LYN: variants seen among roughly 807,000 people sequenced by gnomAD.
The protein encoded by LYN is LYN proto-oncogene, Src family tyrosine kinase.
Under a neutral mutation model 65.0 loss-of-function variants are expected in LYN, and 12 were observed. That is an observed-to-expected ratio of 0.18 (90% CI 0.12 to 0.30). LYN has a LOEUF of 0.30. LYN is among the 10% of genes least tolerant of loss of function. The pLI is 1.00. For synonymous variants in LYN, 222 were observed against 221.2 expected (o/e 1.00, Z -0.03); for missense variants, 380 against 623.2 (o/e 0.61, Z 4.16).
At chr8:55,886,016 A>G (rs1316275442) in intron 1 of LYN, among the ~76,000 whole-genome samples, 6 of 152,142 alleles carry the variant, frequency 3.9e-5, no homozygotes, top group Non-Finnish European at 8.8e-5. Context: ...TGCTTTGCGA[A>G]GCCCACCCTG....
At chr8:55,959,455 G>A (rs1016029114) in intron 8 of LYN, among the ~76,000 whole-genome samples, 5 of 152,150 alleles carry the variant, frequency 3.3e-5, no homozygotes, top group Non-Finnish European at 7.4e-5. Context: ...AATTGTGCAG[G>A]TAAGTTCAAT....
In LYN at chr8:56,010,423, C is replaced by T; in HGVS notation, c.*313C>T. On this transcript the variant is annotated 3_prime_UTR_variant, in exon 13 of 13. Coordinates refer to ENST00000519728, the MANE Select transcript of LYN (RefSeq NM_002350.4). ...TCTCTCCAAAAATGCACCCAACTAG[C>T]TCTATGTTTACAAATGGACATAGGA... The T allele has an allele frequency of 2.6e-6, 1 of 380,824 alleles. No homozygotes were observed. Among genetic ancestry groups the T allele is most frequent in the Non-Finnish European group, 4.9e-6 (1 of 204,204 alleles). The allele number at this position is 380,824 out of a possible 1,614,324, so 23.6% of individuals were successfully genotyped here.
intron 1 of LYN, among the ~76,000 whole-genome samples, chr8:55,910,388 A>G (rs917489771): frequency 6.6e-6 from 1 of 152,202 alleles, no homozygotes; most frequent in African/African-American, 2.4e-5. Context: ...TTGTAGCACC[A>G]TTTATTGAAA....
chr8:55,936,469 G>A (rs1806439920), intron 1 of LYN, among the ~76,000 whole-genome samples: 1 of 152,130 alleles, frequency 6.6e-6, no homozygotes, highest in Non-Finnish European at 1.5e-5. Context: ...GTGAAACCCT[G>A]TCTCTACTAA....
chr8:55,880,820 G>A (rs1585555689), intron 1 of LYN, among the ~76,000 whole-genome samples: 2 of 152,240 alleles, frequency 1.3e-5, no homozygotes, highest in East Asian at 3.8e-4. Flanking sequence ...GGGGAAGGGC[G>A]TAAGAGTCAG....
chr8:55,908,908 T>C (rs1051755692), intron 1 of LYN, among the ~76,000 whole-genome samples: 1 of 150,558 alleles, frequency 6.6e-6, no homozygotes, highest in Non-Finnish European at 1.5e-5. Flanking sequence ...TGCTGCAAAA[T>C]ACATAATTTT....
intron 10 of LYN, among the ~76,000 whole-genome samples, chr8:55,997,732 T>C (rs557603862): frequency 6.6e-6 from 1 of 152,332 alleles, no homozygotes. Context: ...TAATAACATC[T>C]ATGTATCTAC....
chr8:55,910,849 T>C (rs4436100), intron 1 of LYN, among the ~76,000 whole-genome samples: 102,880 of 150,290 alleles, frequency 0.68, 35,354 homozygotes, highest in East Asian at 0.95. Context: ...CACCTCTGCT[T>C]TTTGTAGTTT....
chr8:55,959,147 G>T (rs1011283672), intron 8 of LYN, among the ~76,000 whole-genome samples: 4 of 152,032 alleles, frequency 2.6e-5, no homozygotes, highest in Admixed American at 6.6e-5. Flanking sequence ...GATTTTTTTT[G>T]TTGTTGGCTG....
At chr8:55,880,284 A>AG (rs1342350916) in intron 1 of LYN, among the ~76,000 whole-genome samples, 181 bp downstream of exon 1, 4 of 151,606 alleles carry the variant, frequency 2.6e-5, no homozygotes, top group African/African-American at 9.7e-5. Context: ...GAAGGCTCTT[A>AG]GATGTCTTCA....
At position 55,965,033 on chromosome 8, in the gene LYN, A is replaced by ATT. The variant is rs11450642; in HGVS notation, c.791-1673_791-1672dup. On this transcript the variant is annotated intron_variant, in intron 8 of 12. Transcript: ENST00000519728. Reference sequence around the variant, plus strand: ...CAGCAGCTATTACTCCCTTCTCCCCATTTTTTTTTTAACATTTCCAAGAGA... The same window carrying ATT: ...CAGCAGCTATTACTCCCTTCTCCCCATTTTTTTTTTTTAACATTTCCAAGAGA... 5.9e-3 allele frequency among the ~76,000 whole-genome samples: 888 copies of ATT among 150,202 alleles called. 6 individuals carry two copies. Among genetic ancestry groups the ATT allele is most frequent in the Middle Eastern group, 0.059 (17 of 290 alleles).
chr8:56,003,949 T>TG (rs1491090922), intron 12 of LYN, among the ~76,000 whole-genome samples: 3 of 124,112 alleles, frequency 2.4e-5, no homozygotes, highest in Non-Finnish European at 5.2e-5. Flanking sequence ...TTTTTTTTTT[T>TG]GAGATGGAGT....
At position 55,909,993 on chromosome 8, in the gene LYN, C is replaced by CT. The variant is rs56923750; in HGVS notation, c.-6+29907dup. Among the ~76,000 whole-genome samples, 529 of 137,972 alleles carry CT rather than the reference C, an allele frequency of 3.8e-3. 2 individuals are homozygous for CT. The highest frequency in any genetic ancestry group is 4.8e-3 in the Non-Finnish European group (309 of 63,912). The allele number at this position is 137,972 out of a possible 152,430, so 90.5% of individuals were successfully genotyped here. Reference sequence around the variant, plus strand: ...GTTGTTTGTGTGTGTGTGTGTGTGTCTTTTTTTTTTTTTTTTTGAGTTGTT... The same window carrying CT: ...GTTGTTTGTGTGTGTGTGTGTGTGTCTTTTTTTTTTTTTTTTTTGAGTTGTT... On this transcript the variant is annotated intron_variant, in intron 1 of 12. Transcript: ENST00000519728.
At chr8:55,997,850 C>G (rs548420244) in intron 10 of LYN, among the ~76,000 whole-genome samples, 1 of 152,000 alleles carries the variant, frequency 6.6e-6, no homozygotes, top group East Asian at 1.9e-4. Flanking sequence ...TTTGGGAGGC[C>G]AAGGCGGGCG....
At chr8:55,943,491 G>C (rs1806686664) in intron 2 of LYN, among the ~76,000 whole-genome samples, 1 of 149,494 alleles carries the variant, frequency 6.7e-6, no homozygotes, top group African/African-American at 2.5e-5. Context: ...AAGAAGAATT[G>C]CTTGAACCCA....
At chr8:55,965,424 A>G (rs1458208361) in intron 8 of LYN, among the ~76,000 whole-genome samples, 1 of 152,188 alleles carries the variant, frequency 6.6e-6, no homozygotes, top group Non-Finnish European at 1.5e-5. Flanking sequence ...CTTTTTCACT[A>G]ACAGTCACCC....
At chr8:55,946,575 AT>A (rs1025837373) in intron 3 of LYN, 82 bp downstream of exon 3, 564 of 860,724 alleles carry the variant, frequency 6.6e-4, no homozygotes, top group Middle Eastern at 1.1e-3. Context: ...AAATGTTTTT[AT>A]TTTTTTTTAT....
intron 10 of LYN, among the ~76,000 whole-genome samples, chr8:55,980,730 G>A (rs1807894307): frequency 6.6e-6 from 1 of 152,126 alleles, no homozygotes; most frequent in Non-Finnish European, 1.5e-5. Flanking sequence ...AAGTAGGCAG[G>A]GACAATTGGA....
rs549770778 is a variant in LYN, at chr8:55,990,965, C to T, written c.1051-7381C>T. 1.6e-4 allele frequency among the ~76,000 whole-genome samples: 25 copies of T among 152,320 alleles called. 1 individual carries two copies. In the East Asian group the frequency reaches 4.2e-3, roughly 26 times the overall value. Reference sequence around the variant, plus strand: ...TTTTGTATTCTGTCCCCACTCTGCCCAGCTTAAGTGTGTGCCTATTTAAGG... The same window carrying T: ...TTTTGTATTCTGTCCCCACTCTGCCTAGCTTAAGTGTGTGCCTATTTAAGG... On this transcript the variant is annotated intron_variant, in intron 10 of 12. Coordinates refer to ENST00000519728, the MANE Select transcript of LYN (RefSeq NM_002350.4).
Sources: allele counts gnomAD v4.1 joint callset (sites outside exome capture counted in the v4.1 genomes callset), GRCh38; gene constraint gnomAD v4.1.1; transcripts MANE v1.5; gene names NCBI Gene and HGNC (gene_info 2026-07-23, HGNC 2026-07-21).